Variants in PARP8 observed in about 807,000 individuals in gnomAD.
The protein encoded by PARP8 is protein mono-ADP-ribosyltransferase PARP8.
A neutral mutation model predicts 124.1 loss-of-function variants in PARP8; 51 were observed. The observed-to-expected ratio is 0.41, with a 90% CI of 0.33 to 0.52. The LOEUF (loss-of-function observed/expected upper bound fraction) is 0.52. Ranked by LOEUF, PARP8 falls within the 20% of genes least tolerant of loss-of-function variation. The probability of loss-of-function intolerance (pLI) is 0.21; values close to 1 mark genes in which losing one functional copy is unlikely to be tolerated. For missense variants in PARP8, 860 were observed against 1,018.9 expected (o/e 0.84, Z 2.12); for synonymous variants, 391 against 361.5 (o/e 1.08, Z -0.93).
At chr5:50,686,051 A>G (rs992943398) in intron 2 of PARP8, among the ~76,000 whole-genome samples, 4 of 152,232 alleles carry the variant, frequency 2.6e-5, no homozygotes, top group East Asian at 1.9e-4. Flanking sequence ...CAGTCCCCCA[A>G]AGTCTTAACT....
chr5:50,827,086 A>T (rs1746433031), intron 19 of PARP8, among the ~76,000 whole-genome samples: 1 of 152,120 alleles, frequency 6.6e-6, no homozygotes, highest in Admixed American at 6.5e-5. Context: ...TATTATATGG[A>T]GATTAACCAG....
In PARP8 at chr5:50,834,003, C is replaced by G. The variant is rs1747283745; in HGVS notation, c.2332C>G (p.Gln778Glu). Residue 778 changes from glutamine to glutamate, a missense_variant, in exon 24 of 26, where the codon CAA (glutamine) becomes GAA (glutamate). This residue lies in a region of PARP8 where 343 missense variants were observed against 474.7 expected (regional missense o/e 0.72). Coordinates refer to ENST00000281631, the MANE Select transcript of PARP8 (RefSeq NM_024615.4). ...SQSQKKGQQS[Q>E]FLQSRNLKCI... Reference sequence around the variant, plus strand: ...GTCACAGAAAAAAGGACAGCAATCCCAATTCCTGCAAAGCCGTAACTTAAA... The same window carrying G: ...GTCACAGAAAAAAGGACAGCAATCCGAATTCCTGCAAAGCCGTAACTTAAA... 1 of 1,612,156 alleles carries G rather than the reference C, an allele frequency of 6.2e-7. No homozygotes were observed. Among genetic ancestry groups the G allele is most frequent in the Admixed American group, 1.7e-5 (1 of 59,906 alleles).
rs370788125 is a variant in PARP8, at chr5:50,835,068, A to G, written c.2462+53A>G. 2.7e-3 allele frequency: 4,021 copies of G among 1,465,452 alleles called. 7 individuals are homozygous for G. Among genetic ancestry groups the G allele is most frequent in the Non-Finnish European group, 3.5e-3 (3,678 of 1,051,372 alleles). 90.8% of individuals were successfully genotyped at this position (1,465,452 alleles called of 1,614,324 possible). The stretch of plus-strand genomic sequence containing the variant: ...TTACTGTCTTTGCCACAAATGGGTT[A>G]GTGGTGACTGAATTATCGTTTGGTC... On this transcript the variant is annotated intron_variant, in intron 25 of 25. Transcript: ENST00000281631.
intron 5 of PARP8, 92 bp from the exon 6 acceptor site, chr5:50,761,729 A>T: frequency 2.6e-6 from 2 of 774,866 alleles, no homozygotes; most frequent in Non-Finnish European, 4.1e-6. Context: ...TCCATAATAT[A>T]TGCTCAAGAC....
intron 24 of PARP8, 51 bp downstream of exon 24, chr5:50,834,099 T>C (rs995170708): frequency 7.3e-7 from 1 of 1,361,146 alleles, no homozygotes; most frequent in African/African-American, 1.4e-5. Context: ...AGCTCATCTA[T>C]AATTAAAAAT....
At position 50,767,296 on chromosome 5, in the gene PARP8, A is replaced by G. The variant is rs183700413; in HGVS notation, c.518+4054A>G. ...TAGATGTATATCATTCATCAAAAAA[A>G]GATCTTGGATTGAATATTTTGTAAT... On this transcript the variant is annotated intron_variant, in intron 7 of 25. Transcript: ENST00000281631. 1.9e-3 allele frequency among the ~76,000 whole-genome samples: 297 copies of G among 152,344 alleles called. 3 individuals carry two copies. The highest frequency in any genetic ancestry group is 6.8e-3 in the African/African-American group (281 of 41,584).
At position 50,674,828 on chromosome 5, in the gene PARP8, C is replaced by T. The variant is rs114851345; in HGVS notation, c.146+6703C>T. On this transcript the variant is annotated intron_variant, in intron 2 of 25. Transcript: ENST00000281631. ...AGCAGTTCATTGTATTTTTTCCTTG[C>T]CCACGAATGACATCTCTGTTCATTA... 9.1e-3 allele frequency among the ~76,000 whole-genome samples: 1,388 copies of T among 152,254 alleles called. 30 individuals are homozygous for T. The highest frequency in any genetic ancestry group is 0.032 in the African/African-American group (1,325 of 41,544).
intron 2 of PARP8, among the ~76,000 whole-genome samples, chr5:50,672,782 A>G (rs935112874): frequency 6.6e-6 from 1 of 152,108 alleles, no homozygotes; most frequent in Admixed American, 6.5e-5. Context: ...AGGAGAGACA[A>G]TCTACTTGAT....
At chr5:50,723,841 T>G (rs1381250280) in intron 2 of PARP8, among the ~76,000 whole-genome samples, 2 of 152,126 alleles carry the variant, frequency 1.3e-5, no homozygotes, top group Non-Finnish European at 2.9e-5. Flanking sequence ...TTCTACTTGG[T>G]CAAAGTTTTA....
At chr5:50,711,694 C>A (rs1754785071) in intron 2 of PARP8, among the ~76,000 whole-genome samples, 1 of 152,184 alleles carries the variant, frequency 6.6e-6, no homozygotes, top group East Asian at 1.9e-4. Context: ...TAAACCCCAA[C>A]CCTCCTGCCC....
rs757201908 is a variant in PARP8, at chr5:50,832,770, G to T, written c.2234-11G>T. ...TTTGTCCCTAAATTATTATTTTGCC[G>T]ATGTTTTCAGGGATGAACAAGAAAC... On this transcript the variant is annotated splice_polypyrimidine_tract_variant and intron_variant, in intron 22 of 25. Coordinates refer to ENST00000281631, the MANE Select transcript of PARP8 (RefSeq NM_024615.4). 3.1e-6 allele frequency: 5 copies of T among 1,612,720 alleles called. No homozygotes were observed. The highest frequency in any genetic ancestry group is 1.3e-5 in the African/African-American group (1 of 74,800).
intron 2 of PARP8, among the ~76,000 whole-genome samples, chr5:50,722,328 T>G (rs146949974): frequency 6.6e-6 from 1 of 152,080 alleles, no homozygotes; most frequent in Non-Finnish European, 1.5e-5. Flanking sequence ...GGTTAAAAGA[T>G]ATGGTATATA....
rs370671854 is a variant in PARP8, at chr5:50,824,696, GTGTT to G, written c.1861-209_1861-206del. Among the ~76,000 whole-genome samples the G allele has an allele frequency of 6.4e-4, 97 of 152,170 alleles. No individual in the cohort carries two copies. In the East Asian group the frequency reaches 0.011, roughly 18 times the overall value. ...AAATCGGGACAAGTCTTTTAACACA[GTGTT>G]TGGGCAAGTCATTTTGGTGGCATGA... On this transcript the variant is annotated intron_variant, in intron 17 of 25. Coordinates refer to ENST00000281631, the MANE Select transcript of PARP8 (RefSeq NM_024615.4).
At chr5:50,785,831 G>A (rs1741186675) in intron 9 of PARP8, among the ~76,000 whole-genome samples, 1 of 152,122 alleles carries the variant, frequency 6.6e-6, no homozygotes, top group Admixed American at 6.5e-5. Flanking sequence ...GGTCCTATGA[G>A]CAACACAATC....
intron 14 of PARP8, among the ~76,000 whole-genome samples, chr5:50,813,902 A>T (rs1744783294): frequency 3.3e-5 from 5 of 152,178 alleles, no homozygotes; most frequent in African/African-American, 1.2e-4. Context: ...CAAGGTTCAG[A>T]TAAAAACTAG....
At chr5:50,673,223 A>G (rs1053501497) in intron 2 of PARP8, among the ~76,000 whole-genome samples, 2 of 152,172 alleles carry the variant, frequency 1.3e-5, no homozygotes, top group Non-Finnish European at 2.9e-5. Context: ...CTGGGTCTTC[A>G]TATCTTTTTT....
chr5:50,730,984 A>G (rs930256151), intron 2 of PARP8, among the ~76,000 whole-genome samples: 1 of 152,248 alleles, frequency 6.6e-6, no homozygotes, highest in Non-Finnish European at 1.5e-5. Context: ...TACTTTGAGC[A>G]AGAAAGATTA....
At chr5:50,763,293 G>A (rs1394511874) in intron 7 of PARP8, 51 bp downstream of exon 7, 9 of 1,409,674 alleles carry the variant, frequency 6.4e-6, no homozygotes, top group African/African-American at 1.4e-5. Flanking sequence ...GTAAGTCATT[G>A]AAATTTACTT....
At chr5:50,693,382 T>G (rs552225432) in intron 2 of PARP8, among the ~76,000 whole-genome samples, 1 of 152,296 alleles carries the variant, frequency 6.6e-6, no homozygotes, top group East Asian at 1.9e-4. Flanking sequence ...CTCCAGGTGT[T>G]GCTGATTGTG....
Sources: gnomAD v4.1 joint callset for allele counts (sites outside exome capture counted in the v4.1 genomes callset) on GRCh38, gnomAD v4.1.1 for gene constraint, gnomAD v4.1.1 regional missense constraint, MANE v1.5 for transcripts, NCBI Gene and HGNC (gene_info 2026-07-23, HGNC 2026-07-21) for gene names.